Variants in MAEA observed in about 807,000 individuals in gnomAD.
The protein encoded by MAEA is E3 ubiquitin-protein transferase MAEA.
Under a neutral mutation model 46.2 loss-of-function variants are expected in MAEA, and 22 were observed. The observed-to-expected ratio is 0.48, with a 90% CI of 0.34 to 0.68. The LOEUF is 0.68. Among genes scored for constraint, MAEA ranks in the 30% least tolerant of loss-of-function variants. The pLI, the probability that MAEA is intolerant of heterozygous loss-of-function variation, is 0.01. For missense variants in MAEA, 393 were observed against 558.1 expected, an observed-to-expected ratio of 0.70 and a Z score of 2.98; for synonymous variants, 246 against 222.6, an observed-to-expected ratio of 1.11 and a Z score of -0.94.
chr4:1,312,640 G>A (rs1736662829), intron 2 of MAEA: 1 of 163,792 alleles, frequency 6.1e-6, no homozygotes, highest in Non-Finnish European at 1.3e-5. Context: ...ATGTTAGCCA[G>A]GCTGGTCTCG....
Position 1,338,502 on chromosome 4 carries a change from C to A in MAEA, c.980C>A (p.Pro327His), listed in dbSNP as rs774829881. Residue 327 changes from proline (P) to histidine (H), a missense_variant, in exon 8 of 9, where the codon CCC becomes CAC. By Grantham distance (77) the Pro-to-His change is moderately conservative (BLOSUM62 -2). Around this residue, in one of 2 missense-constraint regions of MAEA, gnomAD observed 358 missense variants for 537.9 expected, o/e 0.67. Coordinates refer to ENST00000303400, the MANE Select transcript of MAEA (RefSeq NM_001017405.3). ...CSRSLNKLAQ[P>H]LPMAHCANSR... Reference sequence around the variant, plus strand: ...CGCTCCCTGAACAAGCTGGCGCAGCCCCTGCCCATGGCCCACTGTGCCAAC... The same window carrying A: ...CGCTCCCTGAACAAGCTGGCGCAGCACCTGCCCATGGCCCACTGTGCCAAC... 6.2e-7 allele frequency: 1 copy of A among 1,613,320 alleles called. No homozygotes were observed. Among genetic ancestry groups the A allele is most frequent in the Non-Finnish European group, 8.5e-7 (1 of 1,179,994 alleles).
chr4:1,329,340 C>T (rs1470480547), intron 5 of MAEA: 6 of 985,478 alleles, frequency 6.1e-6, no homozygotes, highest in Non-Finnish European at 7.2e-6. Flanking sequence ...TTGCCTTGTT[C>T]CCCCTGCTCT....
chr4:1,312,175 G>C lies in MAEA; in HGVS notation c.252+14G>C. 6.2e-7 allele frequency: 1 copy of C among 1,613,642 alleles called. No individual in the cohort carries two copies. Among genetic ancestry groups the C allele is most frequent in the South Asian group, 1.1e-5 (1 of 91,058 alleles). On this transcript the variant is annotated intron_variant, in intron 2 of 8. Transcript: ENST00000303400. ...CTCAAGAGGAAGGTTGGTCCCGCCT[G>C]GCGGTCCCTCTTCAGTCTGGGGCAT...
intron 3 of MAEA, 33 bp from the exon 4 acceptor site, chr4:1,322,348 C>T: frequency 4.3e-6 from 7 of 1,611,560 alleles, no homozygotes; most frequent in Non-Finnish European, 5.9e-6. Flanking sequence ...TGAGCCAGCA[C>T]ATTCTGATCA....
At chr4:1,312,214 G>C in intron 2 of MAEA, 53 bp downstream of exon 2, 1 of 1,604,334 alleles carries the variant, frequency 6.2e-7, no homozygotes. Flanking sequence ...CACCCCTTTT[G>C]TCTCGAAAAT....
intron 3 of MAEA, 47 bp from the exon 4 acceptor site, chr4:1,322,334 G>A: frequency 6.2e-7 from 1 of 1,603,360 alleles, no homozygotes; most frequent in Non-Finnish European, 8.5e-7. Context: ...TGGCATGGGG[G>A]CCTTGAGCCA....
At chr4:1,330,089 G>A (rs1711506294) in intron 5 of MAEA, 1 of 985,384 alleles carries the variant, frequency 1.0e-6, no homozygotes, top group Admixed American at 6.1e-5. Flanking sequence ...GCCCTGCCTG[G>A]GGCATTTGTG....
chr4:1,330,168 T>C lies in MAEA; in HGVS notation c.656+2465T>C, dbSNP rs373579561. 344 of 984,022 alleles carry C rather than the reference T, an allele frequency of 3.5e-4. 6 individuals carry two copies. In the South Asian group the frequency reaches 0.012, roughly 36 times the overall value. The allele number at this position is 984,022 out of a possible 1,614,324, so 61.0% of individuals were successfully genotyped here. A position where few individuals can be genotyped will look rare whatever the true frequency, so the allele number is the denominator to read the frequency against. ...TTTAACGCCTTTAATTTTTAGTAAA[T>C]GAGTAAGTGAATCCCTGACCCCAGG... On this transcript the variant is annotated intron_variant, in intron 5 of 8. Coordinates refer to ENST00000303400, the MANE Select transcript of MAEA (RefSeq NM_001017405.3).
In MAEA at chr4:1,293,486, A is replaced by G. The variant is rs949245522; in HGVS notation, c.69+3504A>G. On this transcript the variant is annotated intron_variant, in intron 1 of 8. Coordinates refer to ENST00000303400, the MANE Select transcript of MAEA (RefSeq NM_001017405.3). ...ACATTTTGGTGTATTTACTCCTACT[A>G]TTTCCCTTCAGATAGCCGAAGAAAA... 2.6e-5 allele frequency among the ~76,000 whole-genome samples: 4 copies of G among 152,322 alleles called. 1 individual carries two copies. The highest frequency in any genetic ancestry group is 2.4e-5 in the African/African-American group (1 of 41,556).
chr4:1,291,665 G>C (rs560129376), intron 1 of MAEA, among the ~76,000 whole-genome samples: 2 of 152,140 alleles, frequency 1.3e-5, no homozygotes, highest in African/African-American at 4.8e-5. Context: ...TGGTGAATGT[G>C]GGAAACACTA....
intron 3 of MAEA, among the ~76,000 whole-genome samples, chr4:1,321,231 G>T (rs1332600227): frequency 6.6e-6 from 1 of 151,882 alleles, no homozygotes; most frequent in Non-Finnish European, 1.5e-5. Context: ...GCAAGAAAAC[G>T]CTATGAAGGG....
chr4:1,329,664 C>A, intron 5 of MAEA: 1 of 985,560 alleles, frequency 1.0e-6, no homozygotes, highest in Non-Finnish European at 1.2e-6. Context: ...CTCAGCGTGG[C>A]CCTGGAGCCA....
At chr4:1,315,040 G>C (rs1490763558) in intron 2 of MAEA, among the ~76,000 whole-genome samples, 2 of 152,164 alleles carry the variant, frequency 1.3e-5, no homozygotes, top group Non-Finnish European at 2.9e-5. Flanking sequence ...AAGAAAAAAA[G>C]TATTGCAAAA....
chr4:1,338,833 C>T (rs1473714585), intron 8 of MAEA: 19 of 652,176 alleles, frequency 2.9e-5, no homozygotes, highest in Admixed American at 5.7e-5. Context: ...TGGCACACGT[C>T]GCCATTGGGA....
At chr4:1,304,208 G>A (rs142033228) in intron 1 of MAEA, among the ~76,000 whole-genome samples, 2 of 152,206 alleles carry the variant, frequency 1.3e-5, no homozygotes, top group Non-Finnish European at 2.9e-5. Context: ...GTCGTGTGCT[G>A]TCAATGTAAA....
Position 1,338,634 on chromosome 4 carries a change from AG to A in MAEA, c.1095+23del, listed in dbSNP as rs897067465. 2 of 1,568,540 alleles carry A rather than the reference AG, an allele frequency of 1.3e-6. No individual in the cohort carries two copies. Among genetic ancestry groups the A allele is most frequent in the Admixed American group, 1.8e-5 (1 of 54,744 alleles). ...GGCTACAATGTGAGGGGGGCAGGGC[AG>A]GGGGGCCAGGCTGGCACGCATCGCC... On this transcript the variant is annotated intron_variant, in intron 8 of 8. Coordinates refer to ENST00000303400, the MANE Select transcript of MAEA (RefSeq NM_001017405.3).
At chr4:1,331,963 C>T (rs894642945) in intron 5 of MAEA, 1 of 152,906 alleles carries the variant, frequency 6.5e-6, no homozygotes, top group African/African-American at 2.4e-5. Context: ...GTGTGGCACG[C>T]TCAGGGCTGA....
intron 1 of MAEA, among the ~76,000 whole-genome samples, chr4:1,310,349 A>G (rs1736337830): frequency 6.6e-6 from 1 of 152,226 alleles, no homozygotes; most frequent in Non-Finnish European, 1.5e-5. Context: ...AGAGCAGACG[A>G]AAAGAATCTT....
intron 7 of MAEA, chr4:1,337,428 C>G (rs549121010): frequency 4.3e-6 from 1 of 230,516 alleles, no homozygotes; most frequent in Admixed American, 5.5e-5. Context: ...CTGTGACTGA[C>G]TCCATCCTGC....
Sources: allele counts gnomAD v4.1 joint callset (sites outside exome capture counted in the v4.1 genomes callset), GRCh38; gene constraint gnomAD v4.1.1; regional missense constraint gnomAD v4.1.1; transcripts MANE v1.5; gene names NCBI Gene and HGNC (gene_info 2026-07-23, HGNC 2026-07-21).